Variants in PIP5K1B observed in about 807,000 individuals in gnomAD.
PIP5K1B encodes the protein phosphatidylinositol-4-phosphate 5-kinase type 1 beta.
Under a neutral mutation model 67.0 loss-of-function variants are expected in PIP5K1B, and 42 were observed. The observed-to-expected ratio is 0.63, with a 90% CI of 0.49 to 0.81. The LOEUF is 0.81. PIP5K1B is among the 30% of genes least tolerant of loss of function. PIP5K1B has a pLI of 0.00. For missense variants in PIP5K1B, 459 were observed against 646.3 expected (o/e 0.71, Z 3.14); for synonymous variants, 214 against 231.4 (o/e 0.92, Z 0.68).
At chr9:68,896,188 C>T (rs1825072809) in intron 8 of PIP5K1B, among the ~76,000 whole-genome samples, 4 of 152,004 alleles carry the variant, frequency 2.6e-5, no homozygotes, top group Admixed American at 1.3e-4. Flanking sequence ...TGTGTTTTTT[C>T]TGCCCTTTAC....
At chr9:68,747,068 T>A (rs1829349431) in intron 2 of PIP5K1B, among the ~76,000 whole-genome samples, 2 of 151,952 alleles carry the variant, frequency 1.3e-5, no homozygotes, top group African/African-American at 4.8e-5. Flanking sequence ...GGCGATCGCC[T>A]TCCCTCTCAT....
intron 1 of PIP5K1B, among the ~76,000 whole-genome samples, chr9:68,725,278 G>A (rs773157762): frequency 7.2e-5 from 11 of 152,100 alleles, no homozygotes; most frequent in Non-Finnish European, 1.3e-4. Context: ...TGACTCATCC[G>A]GCCTCTCTGC....
chr9:68,731,832 A>C (rs1366801516), intron 1 of PIP5K1B, among the ~76,000 whole-genome samples: 1 of 152,240 alleles, frequency 6.6e-6, no homozygotes, highest in Non-Finnish European at 1.5e-5. Flanking sequence ...ACAGTCACAC[A>C]CTTTAAAAAG....
At chr9:68,795,457 C>T (rs1832237934) in intron 2 of PIP5K1B, among the ~76,000 whole-genome samples, 1 of 152,144 alleles carries the variant, frequency 6.6e-6, no homozygotes, top group Non-Finnish European at 1.5e-5. Context: ...GAATAATCCC[C>T]TATCTTTAGG....
chr9:68,873,562 G>T (rs7851923), intron 5 of PIP5K1B, among the ~76,000 whole-genome samples: 67,839 of 151,552 alleles, frequency 0.45, 15,319 homozygotes, highest in South Asian at 0.51. Flanking sequence ...TTAGCCCATT[G>T]TCTGTGATAT....
chr9:68,715,866 G>A (rs1046522369), intron 1 of PIP5K1B, among the ~76,000 whole-genome samples: 4 of 152,108 alleles, frequency 2.6e-5, no homozygotes, highest in African/African-American at 7.2e-5. Flanking sequence ...GTCATGAGCC[G>A]CATTTCTATA....
rs1834506143 is a variant in PIP5K1B at position 68,834,707 on chromosome 9, T to C, written c.69+12024T>C. Among the ~76,000 whole-genome samples, 9 of 152,232 alleles carry C rather than the reference T, an allele frequency of 5.9e-5. No homozygotes were observed. In the South Asian group the frequency reaches 1.5e-3, roughly 25 times the overall value. On this transcript the variant is annotated intron_variant, in intron 4 of 15. Coordinates refer to ENST00000265382, the MANE Select transcript of PIP5K1B (RefSeq NM_003558.4). ...CTGGGGGGCTGAAGAGGGATAGAAT[T>C]TGTACTGTGGATGTTCACAGAAAGA...
chr9:68,956,712 A>C (rs748932371), intron 14 of PIP5K1B, among the ~76,000 whole-genome samples: 4 of 152,258 alleles, frequency 2.6e-5, no homozygotes, highest in Non-Finnish European at 4.4e-5. Flanking sequence ...ATTGAGTCCA[A>C]GTTTTACTTA....
At chr9:69,005,973 G>C (rs1831060318) in intron 15 of PIP5K1B, among the ~76,000 whole-genome samples, 1 of 151,644 alleles carries the variant, frequency 6.6e-6, no homozygotes. Context: ...TCAAACTCCT[G>C]GGCTTAAGCA....
intron 15 of PIP5K1B, among the ~76,000 whole-genome samples, chr9:69,006,230 C>G (rs567367937): frequency 1.3e-5 from 2 of 152,196 alleles, no homozygotes; most frequent in African/African-American, 4.8e-5. Context: ...AAACTGGCTT[C>G]CATGCAGTTG....
At chr9:68,797,037 A>G (rs1315705785) in intron 2 of PIP5K1B, among the ~76,000 whole-genome samples, 2 of 152,200 alleles carry the variant, frequency 1.3e-5, no homozygotes, top group African/African-American at 4.8e-5. Flanking sequence ...ATCTTAGGAA[A>G]AGGAGTAAAA....
intron 3 of PIP5K1B, among the ~76,000 whole-genome samples, chr9:68,821,752 A>C (rs2132068660): frequency 6.6e-6 from 1 of 152,372 alleles, no homozygotes; most frequent in Admixed American, 6.5e-5. Flanking sequence ...TTAGATAAAG[A>C]TATAAGCATA....
At chr9:68,781,029 T>C in intron 2 of PIP5K1B, 1 of 1,611,306 alleles carries the variant, frequency 6.2e-7, no homozygotes, top group Non-Finnish European at 8.5e-7. Flanking sequence ...GTCTAAGTGA[T>C]TCACTCATCC....
intron 11 of PIP5K1B, among the ~76,000 whole-genome samples, chr9:68,920,803 T>C (rs11144308): frequency 0.063 from 8,848 of 140,022 alleles, 700 homozygotes; most frequent in African/African-American, 0.19. Context: ...TACACACACA[T>C]ACACACACAC....
rs541395355 is a variant in PIP5K1B, at chr9:68,793,368, G to A, written c.-85-25093G>A. On this transcript the variant is annotated intron_variant, in intron 2 of 15. Transcript: ENST00000265382. ...TCCTGCTGTGTTGAGAATAGACTCTGAGGGCGTGGTAGAGGCAGGGGGACC... is the reference window on the plus strand; with the variant it reads ...TCCTGCTGTGTTGAGAATAGACTCTAAGGGCGTGGTAGAGGCAGGGGGACC... Among the ~76,000 whole-genome samples the A allele has an allele frequency of 2.6e-5, 4 of 152,312 alleles. No individual in the cohort carries two copies. In the South Asian group the frequency reaches 8.3e-4, roughly 32 times the overall value.
At chr9:68,911,681 A>G (rs1179462726) in intron 8 of PIP5K1B, among the ~76,000 whole-genome samples, 1 of 151,976 alleles carries the variant, frequency 6.6e-6, no homozygotes. Flanking sequence ...GCTTGAGCCC[A>G]GGAGTTCAAG....
rs575091796 is a variant in PIP5K1B, at chr9:68,770,853, G to A, written c.-86+28196G>A. On this transcript the variant is annotated intron_variant, in intron 2 of 15. Coordinates refer to ENST00000265382, the MANE Select transcript of PIP5K1B (RefSeq NM_003558.4). ...TGTAGTGGGTTTGGGGTAGAACTGAGCTCATGTGTAGATGCATTTGAAGAA... is the reference window on the plus strand; with the variant it reads ...TGTAGTGGGTTTGGGGTAGAACTGAACTCATGTGTAGATGCATTTGAAGAA... Among the ~76,000 whole-genome samples the A allele has an allele frequency of 5.3e-5, 8 of 152,298 alleles. No homozygotes were observed. In the South Asian group the frequency reaches 1.7e-3, roughly 32 times the overall value.
chr9:68,884,893 A>G (rs1319982418), intron 6 of PIP5K1B, among the ~76,000 whole-genome samples: 2 of 152,232 alleles, frequency 1.3e-5, no homozygotes, highest in East Asian at 3.8e-4. Flanking sequence ...TTTGGAAAAC[A>G]GTAGGGAGGT....
At chr9:68,801,545 T>C (rs1037740437) in intron 2 of PIP5K1B, among the ~76,000 whole-genome samples, 1 of 152,214 alleles carries the variant, frequency 6.6e-6, no homozygotes, top group African/African-American at 2.4e-5. Flanking sequence ...TTGGGATTTT[T>C]TTCGTACTTT....
Sources: allele counts gnomAD v4.1 joint callset (sites outside exome capture counted in the v4.1 genomes callset), GRCh38; gene constraint gnomAD v4.1.1; transcripts MANE v1.5; gene names NCBI Gene and HGNC (gene_info 2026-07-23, HGNC 2026-07-21).